SKAP1: variants seen among roughly 807,000 people sequenced by gnomAD.
SKAP1 encodes src kinase associated phosphoprotein 1.
In SKAP1, 44 loss-of-function variants were observed where a neutral mutation model predicts 58.5. That is an observed-to-expected ratio of 0.75 (90% CI 0.59 to 0.97). The LOEUF is 0.97. SKAP1 is among the 50% of genes least tolerant of loss of function. SKAP1 has a pLI of 0.00. For missense variants in SKAP1, 390 were observed against 435.2 expected, an observed-to-expected ratio of 0.90 and a Z score of 0.92; for synonymous variants, 127 against 149.7, an observed-to-expected ratio of 0.85 and a Z score of 1.11.
intron 3 of SKAP1, among the ~76,000 whole-genome samples, chr17:48,348,762 A>G (rs1489839941): frequency 6.6e-6 from 1 of 152,198 alleles, no homozygotes; most frequent in Non-Finnish European, 1.5e-5. Context: ...TTGCTTTCCT[A>G]ACTTCAGATG....
At chr17:48,388,982 C>T (rs1035646478) in intron 2 of SKAP1, among the ~76,000 whole-genome samples, 1 of 152,250 alleles carries the variant, frequency 6.6e-6, no homozygotes, top group East Asian at 1.9e-4. Context: ...GATTATGTGG[C>T]CATAAAGTTT....
chr17:48,168,533 T>G (rs1250239911), intron 10 of SKAP1, among the ~76,000 whole-genome samples: 3 of 152,214 alleles, frequency 2.0e-5, no homozygotes, highest in Non-Finnish European at 2.9e-5. Context: ...GGCACGTGCC[T>G]GTGATCCCAG....
chr17:48,138,184 G>C (rs1399210529), intron 11 of SKAP1, among the ~76,000 whole-genome samples: 1 of 152,024 alleles, frequency 6.6e-6, no homozygotes, highest in Non-Finnish European at 1.5e-5. Flanking sequence ...AAGCACAGCA[G>C]ATGTTGAAGA....
chr17:48,213,525 G>A (rs921253301), intron 4 of SKAP1, among the ~76,000 whole-genome samples: 1 of 152,184 alleles, frequency 6.6e-6, no homozygotes, highest in African/African-American at 2.4e-5. Flanking sequence ...TAGCAGCTTG[G>A]AGATTGAACT....
At chr17:48,289,616 T>C (rs1024982024) in intron 4 of SKAP1, among the ~76,000 whole-genome samples, 1 of 152,082 alleles carries the variant, frequency 6.6e-6, no homozygotes, top group Admixed American at 6.5e-5. Flanking sequence ...GTGTTTTTTC[T>C]TGATTACAAA....
chr17:48,250,314 C>T (rs1171629751), intron 4 of SKAP1, among the ~76,000 whole-genome samples: 1 of 111,644 alleles, frequency 9.0e-6, no homozygotes, highest in East Asian at 2.9e-4. Flanking sequence ...TGGAGTTTCA[C>T]TCTGTCGCCC....
At chr17:48,324,892 T>A (rs994732504) in intron 4 of SKAP1, among the ~76,000 whole-genome samples, 1 of 152,028 alleles carries the variant, frequency 6.6e-6, no homozygotes, top group African/African-American at 2.4e-5. Flanking sequence ...CAGTGAGTAT[T>A]TTCACCTACT....
At chr17:48,377,962 T>A (rs1183306061) in intron 2 of SKAP1, among the ~76,000 whole-genome samples, 2 of 152,194 alleles carry the variant, frequency 1.3e-5, no homozygotes, top group African/African-American at 4.8e-5. Context: ...ACCCCTGTGT[T>A]CCCTATTTCA....
chr17:48,165,113 T>C (rs1461535162), intron 10 of SKAP1, among the ~76,000 whole-genome samples: 2 of 152,210 alleles, frequency 1.3e-5, no homozygotes, highest in African/African-American at 4.8e-5. Flanking sequence ...GATTATGATA[T>C]GTCTGTGAAG....
At chr17:48,283,173 A>G (rs2144041908) in intron 4 of SKAP1, among the ~76,000 whole-genome samples, 1 of 152,302 alleles carries the variant, frequency 6.6e-6, no homozygotes, top group Non-Finnish European at 1.5e-5. Flanking sequence ...GTCAAGACAA[A>G]CAAGCTTCCC....
intron 4 of SKAP1, among the ~76,000 whole-genome samples, chr17:48,257,847 A>C (rs2065442283): frequency 6.6e-6 from 1 of 152,016 alleles, no homozygotes; most frequent in Admixed American, 6.6e-5. Flanking sequence ...CTGAAGTAGA[A>C]GAGAAGCTGA....
intron 1 of SKAP1, 110 bp downstream of exon 1, chr17:48,429,965 C>A: frequency 1.1e-6 from 1 of 941,500 alleles, no homozygotes; most frequent in Non-Finnish European, 1.4e-6. Context: ...CCTTAAGGTT[C>A]TAGAAGGAGG....
intron 11 of SKAP1, among the ~76,000 whole-genome samples, chr17:48,139,912 A>G (rs908846699): frequency 6.6e-6 from 1 of 152,054 alleles, no homozygotes; most frequent in African/African-American, 2.4e-5. Context: ...CGCACTTGCA[A>G]CCCTCCTCCT....
chr17:48,442,080 G>A, the SKAP1 span, among the ~76,000 whole-genome samples: 1 of 152,136 alleles, frequency 6.6e-6, no homozygotes, highest in Admixed American at 6.5e-5. Flanking sequence ...AACATGCACT[G>A]AAGTTCCTTT....
chr17:48,231,470 T>G (rs955782395), intron 4 of SKAP1, among the ~76,000 whole-genome samples: 4 of 152,000 alleles, frequency 2.6e-5, no homozygotes, highest in African/African-American at 4.8e-5. Context: ...TGGCATAGTT[T>G]GAGGAAGGGT....
At chr17:48,424,686 GC>G (rs1317564426) in intron 1 of SKAP1, among the ~76,000 whole-genome samples, 1 of 151,264 alleles carries the variant, frequency 6.6e-6, no homozygotes, top group Non-Finnish European at 1.5e-5. Flanking sequence ...TGTAATGCCA[GC>G]ACTTTGGGAG....
intron 4 of SKAP1, among the ~76,000 whole-genome samples, chr17:48,226,645 C>T (rs1333435293): frequency 5.9e-5 from 9 of 152,202 alleles, no homozygotes; most frequent in Admixed American, 3.3e-4. Flanking sequence ...CCAGTCTTCA[C>T]TGGCAGATAA....
intron 2 of SKAP1, among the ~76,000 whole-genome samples, chr17:48,393,627 A>G (rs1399081549): frequency 6.6e-6 from 1 of 152,188 alleles, no homozygotes; most frequent in Non-Finnish European, 1.5e-5. Flanking sequence ...ATAAGAGCTA[A>G]GCCCCTAAAG....
At chr17:48,348,516 T>C (rs769654104) in intron 3 of SKAP1, among the ~76,000 whole-genome samples, 15 of 152,090 alleles carry the variant, frequency 9.9e-5, no homozygotes, top group Middle Eastern at 6.3e-3. Flanking sequence ...AGTTCCTACA[T>C]ACCCTTCACC....
Sources: allele counts gnomAD v4.1 joint callset (sites outside exome capture counted in the v4.1 genomes callset), GRCh38; gene constraint gnomAD v4.1.1; transcripts MANE v1.5; gene names NCBI Gene and HGNC (gene_info 2026-07-23, HGNC 2026-07-21).